The following DIMT1 variants were observed in gnomAD, a reference collection of about 807,000 sequenced individuals.
The protein encoded by DIMT1 is dimethyladenosine transferase.
A neutral mutation model predicts 43.2 loss-of-function variants in DIMT1; 36 were observed. That is an observed-to-expected ratio of 0.83 (90% CI 0.64 to 1.10). The LOEUF (loss-of-function observed/expected upper bound fraction) is 1.10, where lower values mean the gene tolerates loss of function less well. DIMT1 is among the 50% of genes least tolerant of loss of function. DIMT1 has a pLI of 0.00. For synonymous variants in DIMT1, 126 were observed against 130.3 expected (o/e 0.97, Z 0.22); for missense variants, 341 against 385.3 (o/e 0.88, Z 0.96).
chr5:62,396,139 G>GTTTTTTTTTTT lies in DIMT1; in HGVS notation c.447-1543_447-1533dup, dbSNP rs758847833. Among the ~76,000 whole-genome samples, 636 of 116,732 alleles carry GTTTTTTTTTTT rather than the reference G, an allele frequency of 5.4e-3. 46 individuals are homozygous for GTTTTTTTTTTT. Among genetic ancestry groups the GTTTTTTTTTTT allele is most frequent in the African/African-American group, 0.02 (552 of 27,732 alleles). 76.6% of individuals were successfully genotyped at this position (116,732 alleles called of 152,430 possible). ...GGGGAATTTAGCCATGTCACTGCAGGTTTTTTTTTTTTACATTATTAACTG... is the reference window on the plus strand; with the variant it reads ...GGGGAATTTAGCCATGTCACTGCAGGTTTTTTTTTTTTTTTTTTTTTTTACATTATTAACTG... On this transcript the variant is annotated intron_variant, in intron 6 of 11. Transcript: ENST00000199320.
chr5:62,391,613 C>T, intron 10 of DIMT1: 1 of 836,278 alleles, frequency 1.2e-6, no homozygotes, highest in Non-Finnish European at 1.5e-6. Flanking sequence ...AGAAAATTGG[C>T]CTTTCTCTCT....
intron 2 of DIMT1, 53 bp from the exon 3 acceptor site, chr5:62,402,175 G>C: frequency 6.4e-7 from 1 of 1,562,048 alleles, no homozygotes; most frequent in South Asian, 1.1e-5. Context: ...GAACACAGAA[G>C]TTAATTTACA....
Position 62,393,964 on chromosome 5 carries a change from G to T in DIMT1, c.654C>A (p.Ile218=). 2 of 1,607,628 alleles carry T rather than the reference G, an allele frequency of 1.2e-6. No homozygotes were observed. The highest frequency in any genetic ancestry group is 4.5e-5 in the East Asian group (2 of 44,626). The change falls in exon 8 of 12, where the codon ATC becomes ATA. Residue 218 remains isoleucine, a synonymous_variant. Transcript: ENST00000199320. The part of the protein sequence containing the change: ...RIEPKNPPPP[I]NFQEWDGLVR... ...AGTATTTTAACCTCACCTGAAAATT[G>T]ATGGGTGGTGGTGGATTCTTAGGTT...
At chr5:62,396,134 T>C (rs1267957253) in intron 6 of DIMT1, among the ~76,000 whole-genome samples, 1 of 148,042 alleles carries the variant, frequency 6.8e-6, no homozygotes, top group Non-Finnish European at 1.5e-5. Context: ...GCCATGTCAC[T>C]GCAGGTTTTT....
chr5:62,388,902 A>T lies in DIMT1; in HGVS notation c.*108T>A. ...ACAGTAGTAGTATTGAACCAAAAAT[A>T]GTCAAGTAAATAATGTCTCAGTAAA... On this transcript the variant is annotated 3_prime_UTR_variant, in exon 12 of 12. Coordinates refer to ENST00000199320, the MANE Select transcript of DIMT1 (RefSeq NM_014473.4). 1.9e-6 allele frequency: 2 copies of T among 1,044,582 alleles called. No homozygotes were observed. Among genetic ancestry groups the T allele is most frequent in the Non-Finnish European group, 2.9e-6 (2 of 701,650 alleles). The allele number at this position is 1,044,582 out of a possible 1,614,324, so 64.7% of individuals were successfully genotyped here. A position where few individuals can be genotyped will look rare whatever the true frequency, so the allele number is the denominator to read the frequency against.
Position 62,393,992 on chromosome 5 carries a change from A to G in DIMT1, c.626T>C (p.Ile209Thr). 1 of 1,611,960 alleles carries G rather than the reference A, an allele frequency of 6.2e-7. No individual in the cohort carries two copies. The highest frequency in any genetic ancestry group is 8.5e-7 in the Non-Finnish European group (1 of 1,179,460). The stretch of plus-strand genomic sequence containing the variant: ...GGGTGGTGGTGGATTCTTAGGTTCT[A>G]TCCTTACAACACTGGATTCCACCTT... ...PPKVESSVVRIEPKNPPPPIN... is the reference protein window; with the variant it reads ...PPKVESSVVRTEPKNPPPPIN... The change falls in exon 8 of 12, where the codon ATA (isoleucine) becomes ACA (threonine). Residue 209 changes from isoleucine (I) to threonine (T), a missense_variant. Physicochemically the swap from Ile to Thr is moderately conservative, Grantham distance 89 (BLOSUM62 -1). Coordinates refer to ENST00000199320, the MANE Select transcript of DIMT1 (RefSeq NM_014473.4).
chr5:62,402,013 C>A, intron 3 of DIMT1, 23 bp downstream of exon 3: 1 of 1,607,604 alleles, frequency 6.2e-7, no homozygotes, highest in South Asian at 1.1e-5. Context: ...TTTGTGATAC[C>A]AAACATTAAA....
chr5:62,403,553 G>C, intron 1 of DIMT1, 141 bp downstream of exon 1: 1 of 1,064,080 alleles, frequency 9.4e-7, no homozygotes, highest in South Asian at 1.5e-5. Flanking sequence ...CGGCCGAGTC[G>C]GGGACCCACC....
Position 62,394,478 on chromosome 5 carries a change from A to G in DIMT1, c.570+6T>C. 1.2e-6 allele frequency: 2 copies of G among 1,613,848 alleles called. No homozygotes were observed. The highest frequency in any genetic ancestry group is 1.7e-6 in the Non-Finnish European group (2 of 1,179,832). On this transcript the variant is annotated splice_donor_region_variant and intron_variant, in intron 7 of 11. Transcript: ENST00000199320. ...AAAAAAGAGAAAGAAAACAAAATTC[A>G]CTTACTTTCATTAGATGGTCCACAC...
chr5:62,403,219 T>C (rs1742772282), intron 2 of DIMT1, 54 bp downstream of exon 2: 8 of 1,511,474 alleles, frequency 5.3e-6, no homozygotes, highest in East Asian at 4.5e-5. Context: ...TATGTATTCA[T>C]AGGAATAAAA....
chr5:62,391,710 C>T, intron 10 of DIMT1: 1 of 1,300,154 alleles, frequency 7.7e-7, no homozygotes, highest in Non-Finnish European at 9.7e-7. Flanking sequence ...AGGCTCACAA[C>T]CAGAAATCTG....
chr5:62,391,815 A>G, intron 10 of DIMT1: 1 of 1,415,206 alleles, frequency 7.1e-7, no homozygotes, highest in African/African-American at 1.4e-5. Context: ...AGACGTGGTC[A>G]CAATTCAGAG....
Position 62,392,244 on chromosome 5 carries a change from A to G in DIMT1, c.729-10T>C. 2 of 1,610,266 alleles carry G rather than the reference A, an allele frequency of 1.2e-6. No individual in the cohort carries two copies. The highest frequency in any genetic ancestry group is 4.5e-5 in the East Asian group (2 of 44,780). ...TTGCACTGCACTTGATCTATAGCATAAAGAAGTGATGCCACTGTTATTATT... is the reference window on the plus strand; with the variant it reads ...TTGCACTGCACTTGATCTATAGCATGAAGAAGTGATGCCACTGTTATTATT... On this transcript the variant is annotated splice_polypyrimidine_tract_variant and intron_variant, in intron 9 of 11. Transcript: ENST00000199320.
chr5:62,403,682 G>A lies in DIMT1; in HGVS notation c.79+12C>T, dbSNP rs772822120. ...ACCCGACCGACCCCAGCTTCCTCGC[G>A]GGGATCCGCACCTCCAGCGCTCTTC... On this transcript the variant is annotated intron_variant, in intron 1 of 11. Transcript: ENST00000199320. 5 of 1,604,216 alleles carry A rather than the reference G, an allele frequency of 3.1e-6. No individual in the cohort carries two copies. The East Asian group carries it at 9.0e-5, about 29-fold the overall frequency.
At chr5:62,402,238 A>G in intron 2 of DIMT1, 116 bp from the exon 3 acceptor site, 3 of 977,848 alleles carry the variant, frequency 3.1e-6, no homozygotes, top group Non-Finnish European at 4.6e-6. Flanking sequence ...ATCTGACTCC[A>G]TTTTTAGATT....
intron 2 of DIMT1, among the ~76,000 whole-genome samples, chr5:62,402,772 CGT>C (rs1375182431): frequency 6.6e-6 from 1 of 152,128 alleles, no homozygotes; most frequent in Non-Finnish European, 1.5e-5. Context: ...TAATCTGCAC[CGT>C]GTGTATTTCA....
At chr5:62,391,981 T>G (rs1277776586) in intron 10 of DIMT1, 190 bp downstream of exon 10, 2 of 1,540,424 alleles carry the variant, frequency 1.3e-6, no homozygotes, top group Admixed American at 3.9e-5. Flanking sequence ...TCATATCTGT[T>G]TCACAGGATA....
chr5:62,395,884 T>C (rs890082530), intron 6 of DIMT1, among the ~76,000 whole-genome samples: 7 of 151,890 alleles, frequency 4.6e-5, no homozygotes, highest in Non-Finnish European at 8.8e-5. Flanking sequence ...TACACCCCCA[T>C]AGTCCCAGCT....
rs185119901 is a variant in DIMT1 at position 62,395,595 on chromosome 5, A to C, written c.447-988T>G. ...TTCTATTCCATGTGATTACAAAAAA[A>C]AAGAATGGTCATGACTCATTAATTT... On this transcript the variant is annotated intron_variant, in intron 6 of 11. Coordinates refer to ENST00000199320, the MANE Select transcript of DIMT1 (RefSeq NM_014473.4). Among the ~76,000 whole-genome samples, 1,015 of 152,344 alleles carry C rather than the reference A, an allele frequency of 6.7e-3. 19 individuals carry two copies. Among genetic ancestry groups the C allele is most frequent in the African/African-American group, 0.023 (971 of 41,568 alleles).
Sources: allele counts gnomAD v4.1 joint callset (sites outside exome capture counted in the v4.1 genomes callset), GRCh38; gene constraint gnomAD v4.1.1; transcripts MANE v1.5; gene names NCBI Gene and HGNC (gene_info 2026-07-23, HGNC 2026-07-21).